Variants in TMEM140 observed in about 807,000 individuals in gnomAD.
TMEM140 encodes transmembrane protein 140.
For synonymous variants in TMEM140, 107 were observed against 106.8 expected (o/e 1.00, Z -0.01); for missense variants, 236 against 228.5 (o/e 1.03, Z -0.21).
At chr7:135,155,240 A>G (rs966255084) in intron 1 of TMEM140, among the ~76,000 whole-genome samples, 5 of 152,140 alleles carry the variant, frequency 3.3e-5, no homozygotes, top group Non-Finnish European at 7.4e-5. Flanking sequence ...GGGTAAGGTT[A>G]GTTTCTTGTA....
intron 1 of TMEM140, among the ~76,000 whole-genome samples, chr7:135,158,739 G>T (rs1331034363): frequency 6.6e-6 from 1 of 152,160 alleles, no homozygotes; most frequent in Non-Finnish European, 1.5e-5. Context: ...ACTCACATCT[G>T]TCTCAATAGC....
At chr7:135,156,382 G>A (rs376126581) in intron 1 of TMEM140, among the ~76,000 whole-genome samples, 1 of 151,984 alleles carries the variant, frequency 6.6e-6, no homozygotes, top group South Asian at 2.1e-4. Context: ...ACATCTCAAA[G>A]GCTTTATTCA....
Position 135,164,942 on chromosome 7 carries a change from C to T in TMEM140, c.501C>T (p.Ala167=). 6.2e-7 allele frequency: 1 copy of T among 1,613,076 alleles called. No individual in the cohort carries two copies. ...CCTTACTCATCCTCTTGCTTATAGC[C>T]ATGGCTGTGTTCCCTCTGAGGGCTG... ...AQALLILLLI[A]MAVFPLRAER... The change falls in exon 2 of 2, where the codon GCC becomes GCT. Residue 167 remains alanine, a synonymous_variant. Coordinates refer to ENST00000275767, the MANE Select transcript of TMEM140 (RefSeq NM_018295.5).
At chr7:135,163,306 T>C (rs574643153) in intron 1 of TMEM140, among the ~76,000 whole-genome samples, 1 of 152,330 alleles carries the variant, frequency 6.6e-6, no homozygotes, top group East Asian at 1.9e-4. Flanking sequence ...TGGTTTTATG[T>C]GTATGATGGG....
At chr7:135,162,433 T>C (rs895697443) in intron 1 of TMEM140, among the ~76,000 whole-genome samples, 3 of 152,224 alleles carry the variant, frequency 2.0e-5, no homozygotes, top group Admixed American at 2.0e-4. Flanking sequence ...TTAGTCCATT[T>C]TCATACTGCT....
Position 135,165,123 on chromosome 7 carries a change from GT to G in TMEM140, c.*125del. 7.9e-7 allele frequency: 1 copy of G among 1,269,070 alleles called. No individual in the cohort carries two copies. The highest frequency in any genetic ancestry group is 1.1e-6 in the Non-Finnish European group (1 of 935,846). The allele number at this position is 1,269,070 out of a possible 1,614,324, so 78.6% of individuals were successfully genotyped here. On this transcript the variant is annotated 3_prime_UTR_variant, in exon 2 of 2. Transcript: ENST00000275767. Reference sequence around the variant, plus strand: ...AGCGATGGAACCCACTACAGAGGAGGTGGGGCCCCTGTGTCAAAGAGGCCGA... The same window carrying G: ...AGCGATGGAACCCACTACAGAGGAGGGGGGCCCCTGTGTCAAAGAGGCCGA...
rs1311515225 is a variant in TMEM140, at chr7:135,164,414, G to A, written c.-24-4G>A. On this transcript the variant is annotated splice_region_variant and splice_polypyrimidine_tract_variant and intron_variant, in intron 1 of 1. Transcript: ENST00000275767. ...ATGGACTGACTGCTGTGACTTCCCCGCAGGTCCCCCGGCAGAGGGCAGTAG... is the reference window on the plus strand; with the variant it reads ...ATGGACTGACTGCTGTGACTTCCCCACAGGTCCCCCGGCAGAGGGCAGTAG... 47 of 1,580,748 alleles carry A rather than the reference G, an allele frequency of 3.0e-5. No individual in the cohort carries two copies. The highest frequency in any genetic ancestry group is 3.7e-5 in the Non-Finnish European group (43 of 1,154,682).
At chr7:135,148,327 A>G in intron 1 of TMEM140, 57 bp downstream of exon 1, 1 of 333,586 alleles carries the variant, frequency 3.0e-6, no homozygotes, top group South Asian at 2.4e-5. Context: ...ACCTTGTAAG[A>G]CAATTTTGTT....
Position 135,153,632 on chromosome 7 carries a change from G to A in TMEM140, c.-25+5362G>A, listed in dbSNP as rs545032185. On this transcript the variant is annotated intron_variant, in intron 1 of 1. Coordinates refer to ENST00000275767, the MANE Select transcript of TMEM140 (RefSeq NM_018295.5). ...AAAAACCACGCAATCCAGCAACCTG[G>A]GGTATCATATTTATTGATTTGCATA... Among the ~76,000 whole-genome samples, 10 of 152,226 alleles carry A rather than the reference G, an allele frequency of 6.6e-5. No individual in the cohort carries two copies. The South Asian group carries it at 1.9e-3, about 28-fold the overall frequency.
intron 1 of TMEM140, among the ~76,000 whole-genome samples, chr7:135,163,266 AG>A (rs1415855996): frequency 6.6e-6 from 1 of 152,268 alleles, no homozygotes; most frequent in African/African-American, 2.4e-5. Flanking sequence ...ACATCAGTAC[AG>A]GAAGAAAATA....
intron 1 of TMEM140, among the ~76,000 whole-genome samples, chr7:135,160,475 C>A (rs1233845085): frequency 6.6e-6 from 1 of 152,134 alleles, no homozygotes; most frequent in Non-Finnish European, 1.5e-5. Context: ...GGGTTTCCAA[C>A]CAAAGATCCA....
chr7:135,153,712 T>A (rs935559305), intron 1 of TMEM140, among the ~76,000 whole-genome samples: 2 of 152,310 alleles, frequency 1.3e-5, no homozygotes, highest in Non-Finnish European at 2.9e-5. Flanking sequence ...TAGTGTATTA[T>A]CTTTTTGATG....
rs988297687 is a variant in TMEM140, at chr7:135,164,460, C to G, written c.19C>G (p.Arg7Gly). 1 of 1,599,838 alleles carries G rather than the reference C, an allele frequency of 6.3e-7. No homozygotes were observed. Among genetic ancestry groups the G allele is most frequent in the Admixed American group, 1.7e-5 (1 of 59,838 alleles). The change falls in exon 2 of 2, where the codon CGG (arginine) becomes GGG (glycine). Residue 7 changes from arginine to glycine, a missense_variant. Transcript: ENST00000275767. ...AGTAGAGATGGCCGGCCCAAGGCCT[C>G]GGTGGCGCGACCAGCTGCTGTTCAT... MAGPRP[R>G]WRDQLLFMSI...
chr7:135,163,325 T>C (rs1829995926), intron 1 of TMEM140, among the ~76,000 whole-genome samples: 1 of 152,158 alleles, frequency 6.6e-6, no homozygotes, highest in African/African-American at 2.4e-5. Flanking sequence ...GGATAAAAGG[T>C]TATCTTTTTT....
Position 135,165,638 on chromosome 7 carries a change from G to A in TMEM140, c.*639G>A, listed in dbSNP as rs1248814857. 1.2e-5 allele frequency: 2 copies of A among 166,946 alleles called. No individual in the cohort carries two copies. Among genetic ancestry groups the A allele is most frequent in the African/African-American group, 2.4e-5 (1 of 41,330 alleles). 10.3% of individuals were successfully genotyped at this position (166,946 alleles called of 1,614,324 possible). On this transcript the variant is annotated 3_prime_UTR_variant, in exon 2 of 2. Transcript: ENST00000275767. The stretch of plus-strand genomic sequence containing the variant: ...GGACCTGAAGCCAGACAGGGCAGAG[G>A]CGTCCGCTGACAAATCACTCCCATG...
intron 1 of TMEM140, among the ~76,000 whole-genome samples, chr7:135,148,520 A>C (rs1271838972): frequency 6.6e-6 from 1 of 152,142 alleles, no homozygotes; most frequent in Non-Finnish European, 1.5e-5. Flanking sequence ...AGATGATGAA[A>C]GTAAGGCCAG....
At chr7:135,148,318 C>T in intron 1 of TMEM140, 48 bp downstream of exon 1, 1 of 337,154 alleles carries the variant, frequency 3.0e-6, no homozygotes. Context: ...ACGTCTACTA[C>T]CTTGTAAGAC....
rs1346769320 is a variant in TMEM140, at chr7:135,164,499, C to T, written c.58C>T (p.Leu20Phe). 3.1e-6 allele frequency: 5 copies of T among 1,612,776 alleles called. No individual in the cohort carries two copies. Among genetic ancestry groups the T allele is most frequent in the Admixed American group, 1.7e-5 (1 of 60,006 alleles). The change falls in exon 2 of 2, where the codon CTC becomes TTC. Residue 20 changes from leucine (L) to phenylalanine (F), a missense_variant. Leu to Phe is a conservative substitution (Grantham distance 22, BLOSUM62 0). Coordinates refer to ENST00000275767, the MANE Select transcript of TMEM140 (RefSeq NM_018295.5). ...GCTGCTGTTCATGAGCATCATAGTC[C>T]TCGTGATTGTGGTCATCTGCCTGAT... ...DQLLFMSIIVLVIVVICLMFY... is the reference protein window; with the variant it reads ...DQLLFMSIIVFVIVVICLMFY...
intron 1 of TMEM140, among the ~76,000 whole-genome samples, 172 bp downstream of exon 1, chr7:135,148,442 T>C (rs1361578857): frequency 6.6e-6 from 1 of 152,236 alleles, no homozygotes; most frequent in Non-Finnish European, 1.5e-5. Context: ...CTACATAATC[T>C]ACCCCCTTTA....
Sources: gnomAD v4.1 joint callset for allele counts (sites outside exome capture counted in the v4.1 genomes callset) on GRCh38, gnomAD v4.1.1 for gene constraint, MANE v1.5 for transcripts, NCBI Gene and HGNC (gene_info 2026-07-23, HGNC 2026-07-21) for gene names.